NELL2: variants seen among roughly 807,000 people sequenced by gnomAD.
NELL2 encodes the protein neural EGFL like 2, also known as protein kinase C-binding protein NELL2.
NELL2 carries 41 observed loss-of-function variants against 109.6 expected under a neutral mutation model. That is an observed-to-expected ratio of 0.37 (90% confidence interval 0.29 to 0.49). The LOEUF (loss-of-function observed/expected upper bound fraction) is 0.49, where lower values mean the gene tolerates loss of function less well. NELL2 is among the 20% of genes least tolerant of loss of function. The pLI, the probability that NELL2 is intolerant of heterozygous loss-of-function variation, is 0.98. For missense variants in NELL2, 900 were observed against 1,008.3 expected (o/e 0.89, Z 1.45); for synonymous variants, 355 against 344.7 (o/e 1.03, Z -0.33).
At chr12:44,791,065 G>GTATACATA (rs1942365941) in intron 3 of NELL2, among the ~76,000 whole-genome samples, 1 of 43,252 alleles carries the variant, frequency 2.3e-5, no homozygotes, top group Non-Finnish European at 4.1e-5. Flanking sequence ...GAAAGTTCAA[G>GTATACATA]TATATATATA....
rs563806360 is a variant in NELL2, at chr12:44,729,070, A to G, written c.995-14329T>C. On this transcript the variant is annotated intron_variant, in intron 9 of 19. Coordinates refer to ENST00000429094, the MANE Select transcript of NELL2 (RefSeq NM_001145108.2). ...TTAACTGGTAAAGGTAAATATACAG[A>G]CAAATACAGAATACTATAATACTCC... is the stretch of plus-strand genomic sequence containing the variant. 2.6e-5 allele frequency among the ~76,000 whole-genome samples: 4 copies of G among 152,276 alleles called. No homozygotes were observed. In the East Asian group the frequency reaches 7.7e-4, roughly 29 times the overall value.
chr12:44,810,387 C>T lies in NELL2; in HGVS notation c.335+5599G>A, dbSNP rs41440747. Among the ~76,000 whole-genome samples the T allele has an allele frequency of 1.8e-4, 27 of 152,136 alleles. 1 individual carries two copies. Among genetic ancestry groups the T allele is most frequent in the East Asian group, 1.9e-4 (1 of 5,168 alleles). The stretch of plus-strand genomic sequence containing the variant: ...CATTCCACAGCATTAATGGGGTTAT[C>T]GCTAAATGTCAGAATTATAGGCAGT... On this transcript the variant is annotated intron_variant, in intron 3 of 19. Coordinates refer to ENST00000429094, the MANE Select transcript of NELL2 (RefSeq NM_001145108.2).
At chr12:44,900,965 G>C (rs1945653104) in intron 1 of NELL2, among the ~76,000 whole-genome samples, 1 of 151,562 alleles carries the variant, frequency 6.6e-6, no homozygotes, top group Middle Eastern at 3.2e-3. Context: ...CTCCAGCCTG[G>C]TGACAGAGTA....
intron 16 of NELL2, among the ~76,000 whole-genome samples, chr12:44,525,898 T>G (rs187102957): frequency 1.1e-4 from 16 of 152,242 alleles, no homozygotes; most frequent in Admixed American, 2.0e-4. Flanking sequence ...GATTAATATT[T>G]TGCCATGCAA....
chr12:44,775,305 G>A (rs541378896), intron 8 of NELL2, among the ~76,000 whole-genome samples: 4 of 146,494 alleles, frequency 2.7e-5, no homozygotes, highest in African/African-American at 1.1e-4. Flanking sequence ...TTATATGCAT[G>A]ATATTCTGTT....
chr12:44,818,828 C>T (rs1356636459), intron 2 of NELL2, among the ~76,000 whole-genome samples: 3 of 147,654 alleles, frequency 2.0e-5, no homozygotes, highest in East Asian at 2.0e-4. Context: ...CTGCAAGCTC[C>T]GCTTCCCGGG....
chr12:44,607,321 T>C, intron 14 of NELL2, 57 bp from the exon 15 acceptor site: 1 of 1,377,258 alleles, frequency 7.3e-7, no homozygotes, highest in Non-Finnish European at 1.0e-6. Flanking sequence ...TTTAATAAAC[T>C]CCAAACCTAG....
chr12:44,630,850 C>T (rs1202611938), intron 13 of NELL2, among the ~76,000 whole-genome samples: 1 of 152,074 alleles, frequency 6.6e-6, no homozygotes, highest in African/African-American at 2.4e-5. Flanking sequence ...AGATTAGTCT[C>T]ATTTTCCTGT....
chr12:44,726,827 G>A (rs1045718078), intron 9 of NELL2, among the ~76,000 whole-genome samples: 1 of 151,852 alleles, frequency 6.6e-6, no homozygotes, highest in Non-Finnish European at 1.5e-5. Flanking sequence ...GTATTTAGTT[G>A]ATTTATATAT....
At chr12:44,745,550 C>T (rs1428361446) in intron 9 of NELL2, among the ~76,000 whole-genome samples, 18 of 152,266 alleles carry the variant, frequency 1.2e-4, no homozygotes, top group Non-Finnish European at 2.9e-5. Context: ...ATCTAGAAAA[C>T]CCAATCGTCT....
intron 12 of NELL2, among the ~76,000 whole-genome samples, chr12:44,695,762 T>C (rs1191772882): frequency 6.6e-6 from 1 of 152,058 alleles, no homozygotes; most frequent in Non-Finnish European, 1.5e-5. Flanking sequence ...AGATCATATA[T>C]ATGACCAGCC....
intron 15 of NELL2, among the ~76,000 whole-genome samples, chr12:44,537,283 T>A (rs887062784): frequency 1.3e-5 from 2 of 152,108 alleles, no homozygotes; most frequent in South Asian, 4.1e-4. Context: ...ATAAACACCC[T>A]CTTTCTCATG....
chr12:44,708,621 C>A (rs530765605), intron 11 of NELL2, among the ~76,000 whole-genome samples: 1 of 152,128 alleles, frequency 6.6e-6, no homozygotes, highest in South Asian at 2.1e-4. Context: ...CAGGAGAACA[C>A]GTTTATTTCA....
chr12:44,876,163 C>A lies in NELL2; in HGVS notation c.-294G>T. On this transcript the variant is annotated 5_prime_UTR_variant, in exon 1 of 20. Transcript: ENST00000429094. ...GGGTCGGACTCGCCCCGGCGCGGCT[C>A]CGTCGGGGAATTAGCTCCCGAGCCG... 7.9e-7 allele frequency: 1 copy of A among 1,260,158 alleles called. No homozygotes were observed. The highest frequency in any genetic ancestry group is 2.2e-5 in the South Asian group (1 of 44,930). The allele number at this position is 1,260,158 out of a possible 1,614,324, so 78.1% of individuals were successfully genotyped here. A position where few individuals can be genotyped will look rare whatever the true frequency, so the allele number is the denominator to read the frequency against.
Position 44,535,756 on chromosome 12 carries a change from CAA to C in NELL2, c.1664-3037_1664-3036del, listed in dbSNP as rs547111673. 8.1e-3 allele frequency among the ~76,000 whole-genome samples: 1,226 copies of C among 151,816 alleles called. 16 individuals carry two copies. Among genetic ancestry groups the C allele is most frequent in the African/African-American group, 0.028 (1,141 of 41,462 alleles). ...TTTAAAATGAGAAAAATTACAGAAA[CAA>C]TATTAAGTAAATATGGGTATAAATG... On this transcript the variant is annotated intron_variant, in intron 15 of 19. Transcript: ENST00000429094.
At chr12:44,831,101 A>G (rs1943874081) in intron 2 of NELL2, among the ~76,000 whole-genome samples, 1 of 151,882 alleles carries the variant, frequency 6.6e-6, no homozygotes, top group Admixed American at 6.6e-5. Context: ...TTTTCCCACC[A>G]TTGTGAGTTT....
At chr12:44,592,476 A>C (rs1458456204) in intron 15 of NELL2, among the ~76,000 whole-genome samples, 4 of 152,106 alleles carry the variant, frequency 2.6e-5, no homozygotes, top group Non-Finnish European at 4.4e-5. Flanking sequence ...GAGAGGAAAA[A>C]GATTAGATAG....
intron 1 of NELL2, among the ~76,000 whole-genome samples, chr12:44,886,732 T>C (rs1945477697): frequency 6.6e-6 from 1 of 152,054 alleles, no homozygotes; most frequent in South Asian, 2.1e-4. Context: ...GTCACCCTAC[T>C]GATCTATGTT....
intron 16 of NELL2, among the ~76,000 whole-genome samples, chr12:44,532,170 G>C (rs1316094021): frequency 6.6e-6 from 1 of 152,086 alleles, no homozygotes; most frequent in East Asian, 1.9e-4. Context: ...AGCATGCATT[G>C]TGTATGTCAT....
Sources: gnomAD v4.1 joint callset for allele counts (sites outside exome capture counted in the v4.1 genomes callset) on GRCh38, gnomAD v4.1.1 for gene constraint, MANE v1.5 for transcripts, NCBI Gene and HGNC (gene_info 2026-07-23, HGNC 2026-07-21) for gene names.